Variants in ADARB1 observed in about 807,000 individuals in gnomAD.
ADARB1 encodes double-stranded RNA-specific editase 1.
In ADARB1, 10 loss-of-function variants were observed where a neutral mutation model predicts 52.4. The observed-to-expected ratio is 0.19, with a 90% CI of 0.12 to 0.32. The LOEUF (loss-of-function observed/expected upper bound fraction) is 0.32. Among genes scored for constraint, ADARB1 ranks in the 10% least tolerant of loss-of-function variants. The pLI, the probability that ADARB1 is intolerant of heterozygous loss-of-function variation, is 1.00. For missense variants in ADARB1, 643 were observed against 922.3 expected (o/e 0.70, Z 3.92); for synonymous variants, 349 against 371.1 (o/e 0.94, Z 0.68).
chr21:45,093,234 G>A (rs1385488205), intron 1 of ADARB1, among the ~76,000 whole-genome samples: 1 of 152,220 alleles, frequency 6.6e-6, no homozygotes, highest in African/African-American at 2.4e-5. Flanking sequence ...TTGCTGGGGT[G>A]CACTTTGGCT....
chr21:45,123,110 A>G (rs928590243), intron 1 of ADARB1, among the ~76,000 whole-genome samples: 1 of 152,020 alleles, frequency 6.6e-6, no homozygotes, highest in African/African-American at 2.4e-5. Flanking sequence ...TTATTGTGAG[A>G]TACCTTTCTT....
intron 2 of ADARB1, among the ~76,000 whole-genome samples, chr21:45,153,962 G>T (rs918513237): frequency 5.3e-5 from 8 of 152,106 alleles, no homozygotes; most frequent in African/African-American, 1.9e-4. Flanking sequence ...AAAACTAAAG[G>T]ACATTTTTAC....
intron 1 of ADARB1, among the ~76,000 whole-genome samples, chr21:45,089,732 T>C (rs551343696): frequency 6.6e-6 from 1 of 152,266 alleles, no homozygotes; most frequent in East Asian, 1.9e-4. Context: ...ATCAGAAATA[T>C]CACCTTTATC....
chr21:45,147,295 G>A (rs2090056098), intron 2 of ADARB1, among the ~76,000 whole-genome samples: 2 of 152,242 alleles, frequency 1.3e-5, no homozygotes, highest in East Asian at 1.9e-4. Flanking sequence ...GGTCCAAAGA[G>A]GTTTTATTGT....
chr21:45,184,546 T>C, intron 7 of ADARB1: 1 of 366,466 alleles, frequency 2.7e-6, no homozygotes, highest in South Asian at 2.1e-5. Context: ...CCTCCTGGGC[T>C]CTTAAGCGAT....
chr21:45,162,416 C>T (rs966767045), intron 2 of ADARB1, among the ~76,000 whole-genome samples: 8 of 152,204 alleles, frequency 5.3e-5, no homozygotes, highest in Non-Finnish European at 1.0e-4. Flanking sequence ...CCACACCTGG[C>T]TCCCCCTTGG....
At chr21:45,137,850 A>G (rs375723334) in intron 2 of ADARB1, among the ~76,000 whole-genome samples, 1 of 151,982 alleles carries the variant, frequency 6.6e-6, no homozygotes. Context: ...GGGAGATGGC[A>G]TGGGAGGTGG....
chr21:45,099,835 G>A (rs2086924155), intron 1 of ADARB1, among the ~76,000 whole-genome samples: 1 of 152,142 alleles, frequency 6.6e-6, no homozygotes, highest in Non-Finnish European at 1.5e-5. Flanking sequence ...GCACGTCTTG[G>A]GCTGTGGGGG....
chr21:45,190,440 C>T (rs1484054833), intron 8 of ADARB1, among the ~76,000 whole-genome samples: 1 of 152,136 alleles, frequency 6.6e-6, no homozygotes, highest in Non-Finnish European at 1.5e-5. Context: ...GATAGATGTG[C>T]ATTTCTTTAG....
intron 8 of ADARB1, among the ~76,000 whole-genome samples, 171 bp downstream of exon 8, chr21:45,185,262 C>T (rs1181127441): frequency 2.6e-5 from 4 of 152,234 alleles, no homozygotes; most frequent in African/African-American, 4.8e-5. Flanking sequence ...CTGGGACCCC[C>T]GTGAGGGGCA....
intron 2 of ADARB1, among the ~76,000 whole-genome samples, chr21:45,136,642 G>C (rs1310858664): frequency 3.3e-5 from 5 of 152,228 alleles, no homozygotes; most frequent in African/African-American, 1.2e-4. Flanking sequence ...CAGCTGGCGG[G>C]GGTAGAAAAC....
chr21:45,194,960 G>A (rs947430986), intron 8 of ADARB1, among the ~76,000 whole-genome samples: 2 of 152,186 alleles, frequency 1.3e-5, no homozygotes, highest in African/African-American at 4.8e-5. Context: ...GGGTAGTATG[G>A]TGAGGATATG....
At chr21:45,193,829 A>G (rs2092360574) in intron 8 of ADARB1, among the ~76,000 whole-genome samples, 1 of 152,260 alleles carries the variant, frequency 6.6e-6, no homozygotes, top group South Asian at 2.1e-4. Context: ...GAGAAATTAA[A>G]GAACTAAATA....
rs1601468402 is a variant in ADARB1 at position 45,126,661 on chromosome 21, T to C, written c.-219-1741T>C. Among the ~76,000 whole-genome samples, 3 of 152,330 alleles carry C rather than the reference T, an allele frequency of 2.0e-5. No homozygotes were observed. In the South Asian group the frequency reaches 6.2e-4, roughly 32 times the overall value. ...GGTCTAGGGTGGTGGCCTGGACCCC[T>C]CTTTCCTGGAAGCCATGCTTTTCCT... On this transcript the variant is annotated intron_variant, in intron 1 of 10. Coordinates refer to ENST00000348831, the MANE Select transcript of ADARB1 (RefSeq NM_001112.4).
At chr21:45,212,509 A>G (rs2092788365) in intron 9 of ADARB1, among the ~76,000 whole-genome samples, 1 of 152,144 alleles carries the variant, frequency 6.6e-6, no homozygotes, top group South Asian at 2.1e-4. Context: ...GCAATCAGTA[A>G]ATGCAGGAAC....
chr21:45,089,174 T>C (rs1312003794), intron 1 of ADARB1, among the ~76,000 whole-genome samples: 3 of 152,218 alleles, frequency 2.0e-5, no homozygotes, highest in African/African-American at 7.2e-5. Flanking sequence ...TTCTCCCAGC[T>C]CACAACATAC....
At chr21:45,201,262 C>T (rs978996699) in intron 8 of ADARB1, among the ~76,000 whole-genome samples, 1 of 152,200 alleles carries the variant, frequency 6.6e-6, no homozygotes, top group African/African-American at 2.4e-5. Flanking sequence ...AAGTTTGTCC[C>T]AGCTGTCCTT....
At chr21:45,210,188 G>A (rs1487987117) in intron 9 of ADARB1, among the ~76,000 whole-genome samples, 2 of 152,180 alleles carry the variant, frequency 1.3e-5, no homozygotes, top group Non-Finnish European at 2.9e-5. Context: ...TGGGTTTTCA[G>A]TTCTCCTTTT....
intron 1 of ADARB1, among the ~76,000 whole-genome samples, chr21:45,114,799 C>T (rs1215815860): frequency 1.3e-5 from 2 of 152,224 alleles, no homozygotes; most frequent in African/African-American, 2.4e-5. Flanking sequence ...CTGCAGCAGG[C>T]ACTGTTACTA....
Sources: gnomAD v4.1 joint callset for allele counts (sites outside exome capture counted in the v4.1 genomes callset) on GRCh38, gnomAD v4.1.1 for gene constraint, MANE v1.5 for transcripts, NCBI Gene and HGNC (gene_info 2026-07-23, HGNC 2026-07-21) for gene names.